Variants in BAHCC1 observed in about 807,000 individuals in gnomAD.
The protein encoded by BAHCC1 is BAH domain and coiled-coil containing 1.
In BAHCC1, 43 loss-of-function variants were observed where a neutral mutation model predicts 88.2. The ratio of observed to expected loss-of-function variants is 0.49; its 90% confidence interval spans 0.38 to 0.63. BAHCC1 has a LOEUF of 0.63. Ranked by LOEUF, BAHCC1 falls within the 20% of genes least tolerant of loss-of-function variation. The pLI is 0.00. For synonymous variants in BAHCC1, 1,510 were observed against 745.5 expected (o/e 2.03, Z -16.71); for missense variants, 3,023 against 1,654.8 (o/e 1.83, Z -14.34).
rs557813773 is a variant in BAHCC1 at position 81,447,268 on chromosome 17, C to T, written c.3396C>T (p.Ala1132=). The change falls in exon 11 of 28, where the codon GCC becomes GCT. Residue 1132 remains alanine (A), a synonymous_variant. Coordinates refer to ENST00000675386, the MANE Select transcript of BAHCC1 (RefSeq NM_001377448.1). The part of the protein sequence containing the change: ...GAREATQDLA[A]TPYPTERGPQ... ...GGGAGGCCACCCAGGACCTTGCCGC[C>T]ACCCCCTACCCTACCGAGCGGGGAC... 1.4e-5 allele frequency: 10 copies of T among 708,986 alleles called. No individual in the cohort carries two copies. The East Asian group carries it at 2.3e-4, about 16-fold the overall frequency. The allele number at this position is 708,986 out of a possible 1,614,324, so 43.9% of individuals were successfully genotyped here.
At position 81,456,448 on chromosome 17, in the gene BAHCC1, G is replaced by C; in HGVS notation, c.4721G>C (p.Arg1574Pro). 1.4e-6 allele frequency: 1 copy of C among 721,810 alleles called. No homozygotes were observed. The highest frequency in any genetic ancestry group is 1.5e-5 in the South Asian group (1 of 67,800). The allele number at this position is 721,810 out of a possible 1,614,324, so 44.7% of individuals were successfully genotyped here. The change falls in exon 16 of 28, where the codon CGC becomes CCC. Residue 1574 changes from arginine (R) to proline (P), a missense_variant. Transcript: ENST00000675386. ...CAGAAGGAGGCTACCCCCGGGGGGC[G>C]CATCCGGGAGAAGCTGTCCCGAGCC... ...FQQKEATPGG[R>P]IREKLSRAKS...
At position 81,411,747 on chromosome 17, in the gene BAHCC1, G is replaced by T; in HGVS notation, c.178+11830G>T. 3.9e-6 allele frequency: 1 copy of T among 253,242 alleles called. No homozygotes were observed. The allele number at this position is 253,242 out of a possible 1,614,324, so 15.7% of individuals were successfully genotyped here. ...GGCCTCAGCATAGTCCTTGAGCTCTGGGGGCCCCAACCCAGCCTCCCTGGG... is the reference window on the plus strand; with the variant it reads ...GGCCTCAGCATAGTCCTTGAGCTCTTGGGGCCCCAACCCAGCCTCCCTGGG... On this transcript the variant is annotated intron_variant, in intron 2 of 27. Transcript: ENST00000675386. The surrounding 1 kb of genome is among the most constrained non-coding windows in gnomAD (Gnocchi z 6.2).
At chr17:81,417,034 C>G (rs1231938524) in intron 2 of BAHCC1, among the ~76,000 whole-genome samples, 4 of 152,136 alleles carry the variant, frequency 2.6e-5, no homozygotes, top group Admixed American at 2.6e-4. Flanking sequence ...AGGGTCAGGG[C>G]AGGGGGTGGG....
At chr17:81,419,485 TG>T (rs1286994728) in intron 2 of BAHCC1, among the ~76,000 whole-genome samples, 1 of 152,174 alleles carries the variant, frequency 6.6e-6, no homozygotes, top group Non-Finnish European at 1.5e-5. Flanking sequence ...GCCTGGCTCG[TG>T]GGAAGTGTGC....
chr17:81,425,625 GATGTGGTTGGTGGTT>G (rs1314230003), intron 2 of BAHCC1, among the ~76,000 whole-genome samples: 64 of 151,692 alleles, frequency 4.2e-4, no homozygotes, highest in African/African-American at 1.4e-3. Flanking sequence ...AGTGGTGGGT[GATGTGGTTGGTGGTT>G]ATGTGGTTGG....
chr17:81,422,015 T>G, intron 2 of BAHCC1: 1 of 110,458 alleles, frequency 9.1e-6, no homozygotes, highest in South Asian at 3.4e-5. Context: ...CCTCTCGTGA[T>G]TTTTTTTTTT....
Position 81,456,303 on chromosome 17 carries a change from G to C in BAHCC1, c.4576G>C (p.Ala1526Pro). ...AGLQTASVEK[A>P]QCKKSSCQGG... ...TGCCCCTCCCTGTTCACAGGAGAAG[G>C]CGCAGTGTAAGAAGAGCAGCTGTCA... The change falls in exon 16 of 28, where the codon GCG becomes CCG. Residue 1526 changes from alanine (A) to proline (P), a missense_variant. Coordinates refer to ENST00000675386, the MANE Select transcript of BAHCC1 (RefSeq NM_001377448.1). 2.8e-6 allele frequency: 2 copies of C among 716,284 alleles called. No homozygotes were observed. The highest frequency in any genetic ancestry group is 3.0e-5 in the South Asian group (2 of 67,376). The allele number at this position is 716,284 out of a possible 1,614,324, so 44.4% of individuals were successfully genotyped here.
chr17:81,463,317 C>G (rs908610799), intron 27 of BAHCC1, among the ~76,000 whole-genome samples: 3 of 152,206 alleles, frequency 2.0e-5, no homozygotes, highest in Non-Finnish European at 4.4e-5. Flanking sequence ...ACCCTCTGCT[C>G]CTCTCTGAGA....
In BAHCC1 at chr17:81,447,470, T is replaced by G. The variant is rs781788993; in HGVS notation, c.3598T>G (p.Ser1200Ala). The change falls in exon 11 of 28, where the codon TCC becomes GCC. Residue 1200 changes from serine to alanine, a missense_variant. By Grantham distance (99) the Ser-to-Ala change is moderately conservative. Coordinates refer to ENST00000675386, the MANE Select transcript of BAHCC1 (RefSeq NM_001377448.1). Reference protein sequence around the residue: ...GEQGPSSGASSQVLEQRAGSP... With the variant: ...GEQGPSSGASAQVLEQRAGSP... ...GCAGGGGCCCTCGTCAGGGGCCTCC[T>G]CCCAAGTCCTGGAGCAGCGAGCAGG... is the stretch of plus-strand genomic sequence containing the variant. The G allele has an allele frequency of 2.4e-5, 18 of 741,018 alleles. No individual in the cohort carries two copies. The highest frequency in any genetic ancestry group is 4.3e-5 in the South Asian group (3 of 69,490). The allele number at this position is 741,018 out of a possible 1,614,324, so 45.9% of individuals were successfully genotyped here. A position where few individuals can be genotyped will look rare whatever the true frequency, so the allele number is the denominator to read the frequency against.
At chr17:81,457,345 C>T (rs1467209925) in intron 16 of BAHCC1, 65 bp from the exon 17 acceptor site, 2 of 710,508 alleles carry the variant, frequency 2.8e-6, no homozygotes, top group Admixed American at 2.0e-5. Flanking sequence ...AGAGGGTCAC[C>T]TCCCCCACCT....
intron 2 of BAHCC1, among the ~76,000 whole-genome samples, chr17:81,423,065 C>G (rs1316137046): frequency 3.9e-5 from 6 of 152,154 alleles, no homozygotes; most frequent in African/African-American, 1.4e-4. Flanking sequence ...GCCCCTGGCT[C>G]GCGGGCACCT....
intron 2 of BAHCC1, among the ~76,000 whole-genome samples, chr17:81,414,252 A>T (rs1261124673): frequency 2.6e-5 from 4 of 152,310 alleles, no homozygotes; most frequent in Admixed American, 1.3e-4. Context: ...CACCTCCTTC[A>T]GCGAGGGCCA....
At chr17:81,419,970 G>A (rs1207145379) in intron 2 of BAHCC1, among the ~76,000 whole-genome samples, 5 of 152,144 alleles carry the variant, frequency 3.3e-5, no homozygotes, top group South Asian at 2.1e-4. Flanking sequence ...GCCACAGGGC[G>A]GAGCAGGGTC....
intron 23 of BAHCC1, among the ~76,000 whole-genome samples, chr17:81,459,997 C>T (rs556728518): frequency 1.6e-4 from 24 of 152,122 alleles, no homozygotes; most frequent in South Asian, 8.3e-4. Context: ...CGCCTCCAGG[C>T]GGGACTCGGC....
At chr17:81,453,521 T>C (rs895321924) in intron 14 of BAHCC1, among the ~76,000 whole-genome samples, 5 of 152,188 alleles carry the variant, frequency 3.3e-5, no homozygotes, top group Admixed American at 3.3e-4. Context: ...CACAAAACAT[T>C]AGCAAATGCA....
chr17:81,449,142 G>C (rs2064586840), intron 11 of BAHCC1, among the ~76,000 whole-genome samples: 1 of 152,110 alleles, frequency 6.6e-6, no homozygotes, highest in Non-Finnish European at 1.5e-5. Context: ...CGTGTCCCGG[G>C]TGGTGGGCCA....
rs572349349 is a variant in BAHCC1 at position 81,452,752 on chromosome 17, G to C, written c.4346G>C (p.Arg1449Pro). Residue 1449 changes from arginine (R) to proline (P), a missense_variant, in exon 14 of 28, where the codon CGG (arginine) becomes CCG (proline). Physicochemically the swap from Arg to Pro is moderately radical, Grantham distance 103. Coordinates refer to ENST00000675386, the MANE Select transcript of BAHCC1 (RefSeq NM_001377448.1). ...GACGAGAGTTCACGGAGCCCTGCACGGCGGGGGCCTGGCCGGCCGAGGAAG... is the reference window on the plus strand; with the variant it reads ...GACGAGAGTTCACGGAGCCCTGCACCGCGGGGGCCTGGCCGGCCGAGGAAG... ...ERDESSRSPA[R>P]RGPGRPRKRK... The C allele has an allele frequency of 4.0e-6, 3 of 750,252 alleles. No homozygotes were observed. The highest frequency in any genetic ancestry group is 3.5e-5 in the African/African-American group (2 of 56,712). 46.5% of individuals were successfully genotyped at this position (750,252 alleles called of 1,614,324 possible).
At chr17:81,408,714 C>T (rs1349811307) in intron 2 of BAHCC1, among the ~76,000 whole-genome samples, 1 of 152,218 alleles carries the variant, frequency 6.6e-6, no homozygotes, top group Non-Finnish European at 1.5e-5. Flanking sequence ...GACCTCCCAG[C>T]CCTGACCACC....
chr17:81,440,434 C>T (rs1216227184), intron 4 of BAHCC1, among the ~76,000 whole-genome samples: 1 of 152,250 alleles, frequency 6.6e-6, no homozygotes, highest in African/African-American at 2.4e-5. Flanking sequence ...TCCCCTTCCC[C>T]CTTGTTTCTA....
Sources: gnomAD v4.1 joint callset for allele counts (sites outside exome capture counted in the v4.1 genomes callset) on GRCh38, gnomAD v4.1.1 for gene constraint, Gnocchi (gnomAD v3.1) non-coding constraint, MANE v1.5 for transcripts, NCBI Gene and HGNC (gene_info 2026-07-23, HGNC 2026-07-21) for gene names.